The following ANKS1B variants were observed in gnomAD, a reference collection of about 807,000 sequenced individuals.
ANKS1B encodes ankyrin repeat and sterile alpha motif domain containing 1B.
ANKS1B carries 36 observed loss-of-function variants against 148.3 expected under a neutral mutation model. The ratio of observed to expected loss-of-function variants is 0.24; its 90% CI spans 0.19 to 0.32. The LOEUF is 0.32. ANKS1B is among the 10% of genes least tolerant of loss of function. ANKS1B has a pLI of 1.00. For missense variants in ANKS1B, 1,157 were observed against 1,542.6 expected, an observed-to-expected ratio of 0.75 and a Z score of 4.19; for synonymous variants, 542 against 560.8, an observed-to-expected ratio of 0.97 and a Z score of 0.47.
At chr12:99,927,732 T>C (rs1404323274) in intron 1 of ANKS1B, among the ~76,000 whole-genome samples, 1 of 152,058 alleles carries the variant, frequency 6.6e-6, no homozygotes, top group South Asian at 2.1e-4. Context: ...CAGTGACTTA[T>C]GATGGCACCA....
chr12:99,818,758 C>A (rs1488746622), intron 2 of ANKS1B, among the ~76,000 whole-genome samples: 1 of 151,742 alleles, frequency 6.6e-6, no homozygotes, highest in Non-Finnish European at 1.5e-5. Context: ...TATTTTGCAG[C>A]TTTAAGCTAA....
intron 12 of ANKS1B, among the ~76,000 whole-genome samples, chr12:99,280,977 C>G (rs2078371266): frequency 6.6e-6 from 1 of 151,970 alleles, no homozygotes; most frequent in East Asian, 1.9e-4. Flanking sequence ...GGTTCTGTTT[C>G]TCTGGAGACC....
intron 8 of ANKS1B, among the ~76,000 whole-genome samples, chr12:99,698,430 AT>A (rs1957728405): frequency 6.6e-6 from 1 of 152,108 alleles, no homozygotes; most frequent in African/African-American, 2.4e-5. Context: ...GCACATGTAC[AT>A]GTGTTAAAAA....
intron 15 of ANKS1B, among the ~76,000 whole-genome samples, chr12:99,145,670 G>A (rs1191220575): frequency 1.3e-5 from 2 of 152,078 alleles, no homozygotes; most frequent in East Asian, 1.9e-4. Context: ...TATGACAAAC[G>A]GAGTGCTTTG....
chr12:98,916,962 A>ATTTT (rs367815683), intron 17 of ANKS1B, among the ~76,000 whole-genome samples: 2 of 141,546 alleles, frequency 1.4e-5, no homozygotes, highest in Non-Finnish European at 3.1e-5. Flanking sequence ...GTATTCAACT[A>ATTTT]TTTTTTTTTT....
intron 26 of ANKS1B, 120 bp from the exon 27 acceptor site, chr12:98,745,969 G>C: frequency 9.4e-7 from 1 of 1,064,496 alleles, no homozygotes. Flanking sequence ...CGGCGATGCT[G>C]GTCTAGGCGG....
intron 16 of ANKS1B, among the ~76,000 whole-genome samples, chr12:99,063,960 TAA>T (rs936261130): frequency 6.6e-5 from 10 of 152,154 alleles, no homozygotes; most frequent in South Asian, 2.1e-4. Flanking sequence ...TATAAAAGAA[TAA>T]AGAGAAACAT....
chr12:99,716,846 C>T (rs1033732455), intron 8 of ANKS1B, among the ~76,000 whole-genome samples: 9 of 152,090 alleles, frequency 5.9e-5, no homozygotes, highest in African/African-American at 2.2e-4. Flanking sequence ...CTCCCCTCCT[C>T]GCCAGGCCGA....
chr12:99,239,997 A>C (rs562165318), intron 14 of ANKS1B, among the ~76,000 whole-genome samples: 3 of 152,344 alleles, frequency 2.0e-5, no homozygotes, highest in South Asian at 4.1e-4. Flanking sequence ...CGCTATGAGG[A>C]AACTGTGGAA....
intron 11 of ANKS1B, among the ~76,000 whole-genome samples, chr12:99,431,627 A>T (rs1418131500): frequency 6.6e-6 from 1 of 152,188 alleles, no homozygotes; most frequent in African/African-American, 2.4e-5. Flanking sequence ...CTTTTTATAT[A>T]AGAACATCAC....
intron 17 of ANKS1B, among the ~76,000 whole-genome samples, chr12:98,939,734 G>A (rs567851365): frequency 6.6e-6 from 1 of 152,314 alleles, no homozygotes; most frequent in South Asian, 2.1e-4. Flanking sequence ...AGTTCTTGCT[G>A]TGTACATATT....
At chr12:98,960,555 T>G (rs2099869626) in intron 17 of ANKS1B, among the ~76,000 whole-genome samples, 1 of 152,136 alleles carries the variant, frequency 6.6e-6, no homozygotes, top group Non-Finnish European at 1.5e-5. Context: ...AGCCCAGACT[T>G]AGAAGACTAC....
chr12:99,636,774 G>A (rs960675307), intron 9 of ANKS1B, among the ~76,000 whole-genome samples: 1 of 152,090 alleles, frequency 6.6e-6, no homozygotes, highest in African/African-American at 2.4e-5. Flanking sequence ...GAAGAACCAT[G>A]AAAACAAAGA....
intron 16 of ANKS1B, among the ~76,000 whole-genome samples, chr12:99,077,148 G>A (rs1441583980): frequency 1.3e-5 from 2 of 152,152 alleles, no homozygotes; most frequent in Non-Finnish European, 2.9e-5. Context: ...GTCTTACTAA[G>A]GACTGGACCT....
chr12:99,763,556 T>G (rs1249224614), intron 8 of ANKS1B, among the ~76,000 whole-genome samples: 2 of 152,048 alleles, frequency 1.3e-5, no homozygotes, highest in Non-Finnish European at 2.9e-5. Flanking sequence ...TTGGGTACTA[T>G]GCTCATTACC....
chr12:99,703,352 C>G (rs1429599366), intron 8 of ANKS1B, among the ~76,000 whole-genome samples: 1 of 152,064 alleles, frequency 6.6e-6, no homozygotes, highest in East Asian at 1.9e-4. Context: ...AACATCATGT[C>G]TAATGTATTC....
At chr12:99,068,392 A>C (rs1019432850) in intron 16 of ANKS1B, among the ~76,000 whole-genome samples, 5 of 152,164 alleles carry the variant, frequency 3.3e-5, no homozygotes, top group African/African-American at 1.2e-4. Flanking sequence ...ACTGTACTGA[A>C]AACTGTAGGC....
chr12:99,271,882 C>T (rs908673113), intron 12 of ANKS1B, among the ~76,000 whole-genome samples: 7 of 151,744 alleles, frequency 4.6e-5, no homozygotes, highest in African/African-American at 1.7e-4. Flanking sequence ...TGTTACATCT[C>T]ATCAGAGATG....
chr12:99,548,514 A>C (rs2097190768), intron 9 of ANKS1B, among the ~76,000 whole-genome samples: 1 of 152,166 alleles, frequency 6.6e-6, no homozygotes, highest in African/African-American at 2.4e-5. Context: ...TACCTTTTGC[A>C]TCTGACAAAT....
Sources: allele counts gnomAD v4.1 joint callset (sites outside exome capture counted in the v4.1 genomes callset), GRCh38; gene constraint gnomAD v4.1.1; transcripts MANE v1.5; gene names NCBI Gene and HGNC (gene_info 2026-07-23, HGNC 2026-07-21).